Variants in OSBPL10 observed in about 807,000 individuals in gnomAD.
OSBPL10 encodes oxysterol-binding protein-related protein 10.
Under a neutral mutation model 81.7 loss-of-function variants are expected in OSBPL10, and 49 were observed. That is an observed-to-expected ratio of 0.60 (90% CI 0.48 to 0.76). The LOEUF is 0.76. Among genes scored for constraint, OSBPL10 ranks in the 30% least tolerant of loss-of-function variants. The pLI is 0.00. For missense variants in OSBPL10, 923 were observed against 987.8 expected (o/e 0.93, Z 0.88); for synonymous variants, 419 against 383.6 (o/e 1.09, Z -1.08).
At chr3:31,751,003 A>C (rs570570112) in intron 4 of OSBPL10, among the ~76,000 whole-genome samples, 1 of 152,084 alleles carries the variant, frequency 6.6e-6, no homozygotes, top group Non-Finnish European at 1.5e-5. Context: ...TCCACATACT[A>C]GCTCTCTAAA....
intron 2 of OSBPL10, among the ~76,000 whole-genome samples, chr3:32,027,194 G>A (rs951125086): frequency 1.1e-4 from 16 of 152,028 alleles, no homozygotes; most frequent in African/African-American, 3.6e-4. Context: ...CCGACCCCCT[G>A]ACAGGCCCCA....
chr3:32,028,928 ACACACAC>A (rs1559551937), intron 2 of OSBPL10, among the ~76,000 whole-genome samples: 1,548 of 97,672 alleles, frequency 0.016, 38 homozygotes, highest in East Asian at 0.046. Flanking sequence ...GCTAGTCAGG[ACACACAC>A]ACACACACAC....
intron 7 of OSBPL10, 136 bp from the exon 8 acceptor site, chr3:31,684,250 CACACATG>C: frequency 8.7e-7 from 1 of 1,148,698 alleles, no homozygotes; most frequent in Non-Finnish European, 1.2e-6. Context: ...TTGACTTGTG[CACACATG>C]ACAAACCAAG....
chr3:32,038,892 C>A (rs111692910), intron 2 of OSBPL10, among the ~76,000 whole-genome samples: 1 of 151,920 alleles, frequency 6.6e-6, no homozygotes, highest in Non-Finnish European at 1.5e-5. Flanking sequence ...GTAAAATAAA[C>A]GGACAAAATA....
At chr3:31,702,974 C>A (rs370232701) in intron 6 of OSBPL10, among the ~76,000 whole-genome samples, 1 of 152,160 alleles carries the variant, frequency 6.6e-6, no homozygotes, top group South Asian at 2.1e-4. Flanking sequence ...TGCTCTAAGA[C>A]TATTTCTACC....
At chr3:32,009,165 G>A (rs1313370039) in intron 2 of OSBPL10, among the ~76,000 whole-genome samples, 1 of 152,162 alleles carries the variant, frequency 6.6e-6, no homozygotes, top group African/African-American at 2.4e-5. Flanking sequence ...TGCTAAGTAG[G>A]AACTCTTGGC....
At chr3:31,870,569 G>T (rs1441540507) in intron 3 of OSBPL10, among the ~76,000 whole-genome samples, 1 of 152,282 alleles carries the variant, frequency 6.6e-6, no homozygotes, top group Non-Finnish European at 1.5e-5. Context: ...GGTGAAGCCA[G>T]CTGGGCTTCT....
intron 6 of OSBPL10, among the ~76,000 whole-genome samples, chr3:31,729,663 C>T (rs577972317): frequency 6.6e-6 from 1 of 152,144 alleles, no homozygotes; most frequent in East Asian, 1.9e-4. Context: ...TCATGATCCA[C>T]CCACCTCAAC....
chr3:31,864,459 C>T (rs534294948), intron 3 of OSBPL10, among the ~76,000 whole-genome samples: 1 of 152,208 alleles, frequency 6.6e-6, no homozygotes, highest in Admixed American at 6.5e-5. Flanking sequence ...AGGCTGGTCT[C>T]GAATTCCTGA....
At chr3:31,663,353 G>GC in intron 11 of OSBPL10, 1 of 985,736 alleles carries the variant, frequency 1.0e-6, no homozygotes, top group Non-Finnish European at 1.2e-6. Flanking sequence ...TCACCGGCCT[G>GC]CTCTTCATTG....
At chr3:31,769,660 C>A (rs1415584502) in intron 4 of OSBPL10, among the ~76,000 whole-genome samples, 1 of 150,862 alleles carries the variant, frequency 6.6e-6, no homozygotes, top group African/African-American at 2.4e-5. Context: ...GCTGTGCAGA[C>A]TACAGGATTT....
chr3:31,767,488 C>T (rs1049854935), intron 4 of OSBPL10, among the ~76,000 whole-genome samples: 2 of 152,180 alleles, frequency 1.3e-5, no homozygotes, highest in East Asian at 3.9e-4. Flanking sequence ...AAAGCTTTTC[C>T]TCCCCATCTC....
intron 4 of OSBPL10, among the ~76,000 whole-genome samples, chr3:31,777,446 T>C (rs999555079): frequency 1.7e-4 from 26 of 152,186 alleles, no homozygotes; most frequent in Non-Finnish European, 1.0e-4. Flanking sequence ...GAAGTGCTAA[T>C]GTCCCTTTCT....
intron 5 of OSBPL10, among the ~76,000 whole-genome samples, chr3:31,736,615 G>T (rs1697182026): frequency 6.6e-6 from 1 of 152,192 alleles, no homozygotes; most frequent in Non-Finnish European, 1.5e-5. Flanking sequence ...TCCATAGATA[G>T]AGGGGTGCTA....
chr3:31,982,274 T>C (rs1346621156), upstream of OSBPL10, among the ~76,000 whole-genome samples: 1 of 152,182 alleles, frequency 6.6e-6, no homozygotes, highest in Non-Finnish European at 1.5e-5. Flanking sequence ...CCCACTAATA[T>C]TTTTTGTGAA....
intron 2 of OSBPL10, among the ~76,000 whole-genome samples, chr3:32,008,234 G>A (rs1575084529): frequency 6.8e-6 from 1 of 147,812 alleles, no homozygotes; most frequent in African/African-American, 2.5e-5. Flanking sequence ...GTGCAGTGGC[G>A]CTCCACCTCC....
intron 2 of OSBPL10, among the ~76,000 whole-genome samples, chr3:32,008,177 A>AT (rs58417694): frequency 0.31 from 43,474 of 142,340 alleles, 6,783 homozygotes; most frequent in East Asian, 0.43. Flanking sequence ...TGTTTTTATC[A>AT]TTTTTTTTTT....
At chr3:31,783,699 G>A (rs1300519621) in intron 4 of OSBPL10, among the ~76,000 whole-genome samples, 1 of 146,198 alleles carries the variant, frequency 6.8e-6, no homozygotes, top group Non-Finnish European at 1.5e-5. Context: ...GCAGAGGGAG[G>A]AGAATCATTT....
At chr3:31,937,549 C>G (rs552926960) in intron 1 of OSBPL10, among the ~76,000 whole-genome samples, 1 of 152,182 alleles carries the variant, frequency 6.6e-6, no homozygotes, top group East Asian at 1.9e-4. Flanking sequence ...CAGCCACTCA[C>G]CCCCATCATG....
Sources: gnomAD v4.1 joint callset for allele counts (sites outside exome capture counted in the v4.1 genomes callset) on GRCh38, gnomAD v4.1.1 for gene constraint, MANE v1.5 for transcripts, NCBI Gene and HGNC (gene_info 2026-07-23, HGNC 2026-07-21) for gene names.